Variants in EVI5 observed in about 807,000 individuals in gnomAD.
The protein encoded by EVI5 is ecotropic viral integration site 5, also known as ecotropic viral integration site 5 protein homolog.
EVI5 carries 73 observed loss-of-function variants against 112.0 expected under a neutral mutation model. That is an observed-to-expected ratio of 0.65 (90% CI 0.54 to 0.79). EVI5 has a LOEUF of 0.79. Among genes scored for constraint, EVI5 ranks in the 30% least tolerant of loss-of-function variants. The pLI is 0.00. For missense variants in EVI5, 900 were observed against 968.8 expected (o/e 0.93, Z 0.94); for synonymous variants, 305 against 319.9 (o/e 0.95, Z 0.50).
intron 10 of EVI5, among the ~76,000 whole-genome samples, chr1:92,674,631 C>A (rs1370582870): frequency 6.6e-6 from 1 of 150,970 alleles, no homozygotes; most frequent in African/African-American, 2.4e-5. Flanking sequence ...CACGTGTATA[C>A]CTATGTAACA....
intron 2 of EVI5, among the ~76,000 whole-genome samples, chr1:92,724,518 A>G (rs144515117): frequency 3.3e-5 from 5 of 152,328 alleles, no homozygotes; most frequent in Admixed American, 1.3e-4. Context: ...ATGATTTTCA[A>G]GACTTTAGGC....
At chr1:92,611,576 C>A (rs973818748) in intron 16 of EVI5, among the ~76,000 whole-genome samples, 10 of 150,724 alleles carry the variant, frequency 6.6e-5, no homozygotes, top group African/African-American at 2.4e-4. Context: ...ATGGCGGGCG[C>A]CTGTACTCCC....
chr1:92,705,534 T>C (rs1172222276), intron 2 of EVI5, among the ~76,000 whole-genome samples: 1 of 152,194 alleles, frequency 6.6e-6, no homozygotes, highest in South Asian at 2.1e-4. Context: ...CTGCTATTTA[T>C]TACTAGGTTT....
intron 13 of EVI5, among the ~76,000 whole-genome samples, chr1:92,661,134 C>T (rs1226512943): frequency 6.6e-6 from 1 of 151,890 alleles, no homozygotes; most frequent in East Asian, 1.9e-4. Context: ...ATATAAATTG[C>T]CACTATTTGG....
intron 16 of EVI5, among the ~76,000 whole-genome samples, chr1:92,609,863 TTC>T (rs111822989): frequency 1.3e-5 from 2 of 151,284 alleles, no homozygotes; most frequent in East Asian, 1.9e-4. Flanking sequence ...GTCGTTCTCA[TTC>T]TCTCTCTCTT....
At chr1:92,552,660 C>T (rs114347977) in intron 19 of EVI5, among the ~76,000 whole-genome samples, 3,111 of 152,264 alleles carry the variant, frequency 0.02, 122 homozygotes, top group African/African-American at 0.07. Context: ...ATTCAAATCC[C>T]TTGTTTTACG....
chr1:92,723,714 G>A (rs1558149869), intron 2 of EVI5, among the ~76,000 whole-genome samples: 1 of 152,214 alleles, frequency 6.6e-6, no homozygotes, highest in Non-Finnish European at 1.5e-5. Context: ...CAGGGAACAA[G>A]GGAAGATAAC....
intron 18 of EVI5, among the ~76,000 whole-genome samples, chr1:92,587,253 G>A (rs567166832): frequency 3.3e-4 from 50 of 151,934 alleles, no homozygotes; most frequent in Non-Finnish European, 5.6e-4. Context: ...ATTAAGACAA[G>A]ATACAATTAC....
intron 18 of EVI5, among the ~76,000 whole-genome samples, chr1:92,596,502 T>C (rs188977041): frequency 1.5e-4 from 23 of 152,340 alleles, no homozygotes; most frequent in African/African-American, 5.5e-4. Flanking sequence ...TGCCAGCTAT[T>C]ATTACTCTTA....
At chr1:92,770,108 T>TC (rs986382215) in intron 1 of EVI5, among the ~76,000 whole-genome samples, 5 of 152,080 alleles carry the variant, frequency 3.3e-5, no homozygotes, top group African/African-American at 4.8e-5. Flanking sequence ...GAGAAGATTC[T>TC]CCCCCAGAGC....
At chr1:92,531,035 C>T (rs777175528) in intron 19 of EVI5, among the ~76,000 whole-genome samples, 2 of 151,798 alleles carry the variant, frequency 1.3e-5, no homozygotes, top group Non-Finnish European at 2.9e-5. Context: ...AGCTAAGAAC[C>T]TTGAAAAAAG....
chr1:92,654,760 T>C (rs956923852), intron 13 of EVI5, among the ~76,000 whole-genome samples: 4 of 152,072 alleles, frequency 2.6e-5, no homozygotes, highest in African/African-American at 4.8e-5. Flanking sequence ...GAAAGCTGAA[T>C]GAAAATCAAC....
intron 19 of EVI5, among the ~76,000 whole-genome samples, chr1:92,540,703 T>G (rs1373020809): frequency 6.6e-6 from 1 of 152,224 alleles, no homozygotes; most frequent in African/African-American, 2.4e-5. Context: ...ATCTATTTTC[T>G]TCTCTGCTGC....
At chr1:92,591,098 G>C (rs879654408) in intron 18 of EVI5, among the ~76,000 whole-genome samples, 1 of 152,142 alleles carries the variant, frequency 6.6e-6, no homozygotes. Context: ...TGCCCTAAAA[G>C]AGCTCCTGAA....
chr1:92,516,642 A>G (rs955895966), intron 19 of EVI5, among the ~76,000 whole-genome samples: 5 of 152,202 alleles, frequency 3.3e-5, no homozygotes, highest in Admixed American at 3.3e-4. Context: ...CTGACTACCC[A>G]GAATATGTTC....
intron 16 of EVI5, among the ~76,000 whole-genome samples, chr1:92,611,533 C>CT (rs1307148256): frequency 6.3e-5 from 9 of 143,860 alleles, no homozygotes; most frequent in African/African-American, 2.3e-4. Context: ...CCTGTCTCTA[C>CT]TAAAAAAAAA....
At chr1:92,756,267 T>C in intron 1 of EVI5, 1 of 432,428 alleles carries the variant, frequency 2.3e-6, no homozygotes, top group South Asian at 1.8e-5. Flanking sequence ...ATTGAATTTG[T>C]TCTCTCTGAA....
At chr1:92,759,178 A>G (rs1681426855) in intron 1 of EVI5, among the ~76,000 whole-genome samples, 1 of 152,196 alleles carries the variant, frequency 6.6e-6, no homozygotes, top group South Asian at 2.1e-4. Context: ...AGCCGAGATC[A>G]TGCCGCTGTA....
chr1:92,776,153 C>T (rs1294483761), intron 1 of EVI5, among the ~76,000 whole-genome samples: 2 of 151,376 alleles, frequency 1.3e-5, no homozygotes, highest in East Asian at 1.9e-4. Flanking sequence ...ATGTAGAGCT[C>T]GCAGGTTTTT....
Sources: allele counts gnomAD v4.1 joint callset (sites outside exome capture counted in the v4.1 genomes callset), GRCh38; gene constraint gnomAD v4.1.1; transcripts MANE v1.5; gene names NCBI Gene and HGNC (gene_info 2026-07-23, HGNC 2026-07-21).